CHST11: variants seen among roughly 807,000 people sequenced by gnomAD.
CHST11 encodes the protein carbohydrate sulfotransferase 11, also known as C4S-1.
Under a neutral mutation model 30.4 loss-of-function variants are expected in CHST11, and 9 were observed. The ratio of observed to expected loss-of-function variants is 0.30; its 90% confidence interval spans 0.18 to 0.52. CHST11 has a LOEUF of 0.52. Among genes scored for constraint, CHST11 ranks in the 20% least tolerant of loss-of-function variants. The pLI is 0.97. For missense variants in CHST11, 348 were observed against 460.6 expected (o/e 0.76, Z 2.24); for synonymous variants, 152 against 187.8 (o/e 0.81, Z 1.56).
chr12:104,493,289 T>C (rs527456224), intron 1 of CHST11, among the ~76,000 whole-genome samples: 3 of 152,334 alleles, frequency 2.0e-5, no homozygotes, highest in Non-Finnish European at 4.4e-5. Context: ...TATCCAGTAA[T>C]GTGGCAAGAT....
At chr12:104,476,151 AAT>A (rs1269174775) in intron 1 of CHST11, among the ~76,000 whole-genome samples, 4 of 144,866 alleles carry the variant, frequency 2.8e-5, no homozygotes, top group Non-Finnish European at 4.5e-5. Flanking sequence ...TATTATAATA[AAT>A]ATATAAATAA....
At chr12:104,584,486 AC>A (rs2038782497) in intron 1 of CHST11, among the ~76,000 whole-genome samples, 1 of 151,742 alleles carries the variant, frequency 6.6e-6, no homozygotes, top group South Asian at 2.1e-4. Flanking sequence ...TGAACTCCTG[AC>A]CTCAGCTGAT....
At chr12:104,521,584 A>G (rs2038074334) in intron 1 of CHST11, among the ~76,000 whole-genome samples, 4 of 152,162 alleles carry the variant, frequency 2.6e-5, no homozygotes, top group African/African-American at 9.7e-5. Context: ...GCTCAGACCT[A>G]ATTCCAGGAA....
intron 2 of CHST11, among the ~76,000 whole-genome samples, chr12:104,707,750 A>G (rs6539166): frequency 0.45 from 68,289 of 152,062 alleles, 15,558 homozygotes; most frequent in South Asian, 0.59. Context: ...TCACATACAA[A>G]TGCACACACA....
intron 1 of CHST11, among the ~76,000 whole-genome samples, chr12:104,545,407 G>T (rs1193990080): frequency 6.6e-6 from 1 of 152,224 alleles, no homozygotes; most frequent in East Asian, 1.9e-4. Flanking sequence ...CCAGGAGAAT[G>T]GATGTGGACT....
In CHST11 at chr12:104,689,350, A is replaced by G. The variant is rs544641823; in HGVS notation, c.205-67599A>G. On this transcript the variant is annotated intron_variant, in intron 2 of 2. Coordinates refer to ENST00000303694, the MANE Select transcript of CHST11 (RefSeq NM_018413.6). ...GGAAGCTTTTTCCATGGCCAAGGAT[A>G]GGCCCAATGGCTGTTCTATCCCATA... Among the ~76,000 whole-genome samples, 3 of 152,338 alleles carry G rather than the reference A, an allele frequency of 2.0e-5. No homozygotes were observed. The East Asian group carries it at 5.8e-4, about 29-fold the overall frequency.
At chr12:104,691,882 G>T (rs11112169) in intron 2 of CHST11, among the ~76,000 whole-genome samples, 3,287 of 152,254 alleles carry the variant, frequency 0.022, 126 homozygotes, top group East Asian at 0.19. Flanking sequence ...GACGAATTCC[G>T]AGTGTGTGGC....
At chr12:104,591,833 T>C (rs2038861517) in intron 1 of CHST11, 1 of 154,260 alleles carries the variant, frequency 6.5e-6, no homozygotes, top group Non-Finnish European at 1.5e-5. Context: ...AATGTTAGTT[T>C]GTCACACATA....
At chr12:104,609,579 A>G (rs1042542606) in intron 2 of CHST11, among the ~76,000 whole-genome samples, 10 of 152,198 alleles carry the variant, frequency 6.6e-5, no homozygotes, top group Admixed American at 6.5e-4. Flanking sequence ...GTTTAGAGGA[A>G]AGGATTGGAT....
intron 2 of CHST11, among the ~76,000 whole-genome samples, chr12:104,658,618 G>A (rs777963260): frequency 6.6e-6 from 1 of 152,108 alleles, no homozygotes; most frequent in Non-Finnish European, 1.5e-5. Flanking sequence ...CCTGGGGACC[G>A]TAACTCTGGC....
intron 2 of CHST11, among the ~76,000 whole-genome samples, chr12:104,681,492 C>T (rs1097245): frequency 0.67 from 102,625 of 152,078 alleles, 34,701 homozygotes; most frequent in East Asian, 0.85. Context: ...TAGGTTACAG[C>T]GATGATTGCA....
chr12:104,626,578 C>CAAA (rs34633763), intron 2 of CHST11, among the ~76,000 whole-genome samples: 2 of 78,146 alleles, frequency 2.6e-5, no homozygotes, highest in African/African-American at 3.7e-5. Context: ...CCTCCCCACC[C>CAAA]AAAAAAAAAA....
chr12:104,618,391 T>C (rs2039129306), intron 2 of CHST11, among the ~76,000 whole-genome samples: 1 of 151,862 alleles, frequency 6.6e-6, no homozygotes, highest in Admixed American at 6.6e-5. Flanking sequence ...ACCCAGTTAA[T>C]TGTTGTTGTT....
chr12:104,526,366 G>T (rs1055824389), intron 1 of CHST11, among the ~76,000 whole-genome samples: 2 of 152,108 alleles, frequency 1.3e-5, no homozygotes, highest in African/African-American at 2.4e-5. Context: ...GCAATAAATT[G>T]AGCTCCATAT....
chr12:104,588,005 A>T (rs17813400), intron 1 of CHST11, among the ~76,000 whole-genome samples: 39,624 of 151,902 alleles, frequency 0.26, 5,283 homozygotes, highest in African/African-American at 0.3. Flanking sequence ...TGCAATGTAG[A>T]TCTATTCAAA....
chr12:104,479,908 C>T (rs7313791), intron 1 of CHST11, among the ~76,000 whole-genome samples: 16,629 of 152,218 alleles, frequency 0.11, 1,072 homozygotes, highest in South Asian at 0.19. Context: ...AGAGGTCCAG[C>T]GGAGGGCATT....
rs758033699 is a variant in CHST11, at chr12:104,457,421, G to T, written c.10G>T (p.Ala4Ser). 1 of 1,613,738 alleles carries T rather than the reference G, an allele frequency of 6.2e-7. No individual in the cohort carries two copies. Among genetic ancestry groups the T allele is most frequent in the South Asian group, 1.1e-5 (1 of 91,072 alleles). The change falls in exon 1 of 3, where the codon GCG (alanine) becomes TCG (serine). Residue 4 changes from alanine to serine, a missense_variant. Ala to Ser is a moderately conservative substitution (Grantham distance 99). Coordinates refer to ENST00000303694, the MANE Select transcript of CHST11 (RefSeq NM_018413.6). ...CAGCCAGGACAAAGCCATGAAGCCA[G>T]CGCTGCTGGAAGTGATGAGGATGAA... MKP[A>S]LLEVMRMNRI...
intron 1 of CHST11, among the ~76,000 whole-genome samples, chr12:104,534,428 C>T (rs1303520198): frequency 6.6e-6 from 1 of 152,184 alleles, no homozygotes; most frequent in African/African-American, 2.4e-5. Flanking sequence ...GGACAATTTC[C>T]CAGCAATATT....
intron 2 of CHST11, among the ~76,000 whole-genome samples, chr12:104,671,613 A>G (rs1435071220): frequency 6.6e-6 from 1 of 152,202 alleles, no homozygotes; most frequent in Non-Finnish European, 1.5e-5. Context: ...GAGAACGCCT[A>G]CAGTGTGAGC....
Sources: gnomAD v4.1 joint callset for allele counts (sites outside exome capture counted in the v4.1 genomes callset) on GRCh38, gnomAD v4.1.1 for gene constraint, MANE v1.5 for transcripts, NCBI Gene and HGNC (gene_info 2026-07-23, HGNC 2026-07-21) for gene names.